PREP: variants seen among roughly 807,000 people sequenced by gnomAD.
PREP encodes prolyl endopeptidase.
Under a neutral mutation model 87.6 loss-of-function variants are expected in PREP, and 29 were observed. That is an observed-to-expected ratio of 0.33 (90% CI 0.25 to 0.45). The LOEUF is 0.45. Among genes scored for constraint, PREP ranks in the 20% least tolerant of loss-of-function variants. The pLI is 1.00. For missense variants in PREP, 695 were observed against 886.5 expected (o/e 0.78, Z 2.74); for synonymous variants, 337 against 328.6 (o/e 1.03, Z -0.28).
chr6:105,387,625 AAAAGAAAAAAAGAAAAAGAAAAAG>A (rs1416090105), intron 2 of PREP, among the ~76,000 whole-genome samples: 2 of 148,240 alleles, frequency 1.3e-5, no homozygotes, highest in South Asian at 2.1e-4. Flanking sequence ...AAAAAAGAAA[AAAAGAAAAAAAGAAAAAGAAAAAG>A]AAAGAAAAAG....
At chr6:105,316,805 G>T (rs1188493345) in intron 10 of PREP, among the ~76,000 whole-genome samples, 2 of 151,892 alleles carry the variant, frequency 1.3e-5, no homozygotes, top group Non-Finnish European at 2.9e-5. Context: ...ATAAATTTGT[G>T]GTCCCTCATT....
chr6:105,302,706 C>G (rs890027223), intron 10 of PREP: 5 of 506,288 alleles, frequency 9.9e-6, no homozygotes, highest in Non-Finnish European at 1.9e-5. Context: ...GCTTGGAGAC[C>G]GCGCCGCCTG....
intron 6 of PREP, among the ~76,000 whole-genome samples, chr6:105,356,860 A>G (rs532219670): frequency 2.4e-4 from 37 of 152,360 alleles, no homozygotes; most frequent in African/African-American, 8.7e-4. Flanking sequence ...AGTCTCTTGC[A>G]AATGAACACA....
intron 2 of PREP, among the ~76,000 whole-genome samples, chr6:105,394,606 G>A (rs1297293465): frequency 6.6e-6 from 1 of 152,212 alleles, no homozygotes; most frequent in Non-Finnish European, 1.5e-5. Context: ...GGTGAGTTCA[G>A]TAAGGGAACT....
Position 105,331,768 on chromosome 6 carries a change from C to T in PREP, c.1015+1546G>A, listed in dbSNP as rs902203409. ...AAAATCTGTTCTGTGACTCGTGGGT[C>T]CCTCGTCCAAATATAAATAAGGGTC... On this transcript the variant is annotated intron_variant, in intron 8 of 14. Coordinates refer to ENST00000652536, the MANE Select transcript of PREP (RefSeq NM_002726.5). Among the ~76,000 whole-genome samples, 3 of 152,128 alleles carry T rather than the reference C, an allele frequency of 2.0e-5. No individual in the cohort carries two copies. In the East Asian group the frequency reaches 5.8e-4, roughly 29 times the overall value.
intron 2 of PREP, among the ~76,000 whole-genome samples, chr6:105,387,612 AAAAAAAAAGAAAAAAAG>A (rs1773033200): frequency 7.6e-6 from 1 of 132,306 alleles, no homozygotes; most frequent in African/African-American, 3.2e-5. Context: ...TGAGCTAAAA[AAAAAAAAAGAAAAAAAG>A]AAAAAAAGAA....
At chr6:105,386,950 T>C (rs1773011569) in intron 2 of PREP, among the ~76,000 whole-genome samples, 2 of 152,300 alleles carry the variant, frequency 1.3e-5, no homozygotes, top group Non-Finnish European at 1.5e-5. Context: ...CGGTGTTTCA[T>C]GCCTGTAATC....
At chr6:105,335,903 T>A (rs1174111737) in intron 7 of PREP, among the ~76,000 whole-genome samples, 3 of 150,766 alleles carry the variant, frequency 2.0e-5, no homozygotes, top group African/African-American at 2.4e-5. Context: ...TCAAAAAAAA[T>A]AAAATAAAAA....
chr6:105,352,961 AAAT>A lies in PREP; in HGVS notation c.823+8_823+10del, dbSNP rs765547063. The stretch of plus-strand genomic sequence containing the variant: ...TTGGAATAACTATCTGTGTCTGAAA[AAAT>A]AACTCACCCGCGATGCCACTGGATT... On this transcript the variant is annotated splice_region_variant and intron_variant, in intron 7 of 14. Transcript: ENST00000652536. 4 of 1,602,908 alleles carry A rather than the reference AAAT, an allele frequency of 2.5e-6. No individual in the cohort carries two copies. The Admixed American group carries it at 6.7e-5, about 27-fold the overall frequency.
intron 4 of PREP, 50 bp from the exon 5 acceptor site, chr6:105,373,628 C>T (rs917948034): frequency 2.0e-6 from 3 of 1,533,556 alleles, no homozygotes; most frequent in African/African-American, 2.7e-5. Context: ...AACACAACTC[C>T]ACGGTCCTTT....
chr6:105,285,723 TGATTA>T (rs1383649075), intron 11 of PREP, 143 bp from the exon 12 acceptor site: 15 of 639,396 alleles, frequency 2.3e-5, no homozygotes, highest in Non-Finnish European at 3.0e-5. Flanking sequence ...TTTTATTGCT[TGATTA>T]AAGTGAAAAA....
At chr6:105,282,347 T>A in intron 13 of PREP, 104 bp downstream of exon 13, 12 of 1,391,034 alleles carry the variant, frequency 8.6e-6, no homozygotes, top group Non-Finnish European at 1.1e-5. Flanking sequence ...TACCACTTTG[T>A]GGTCCTATCC....
intron 2 of PREP, among the ~76,000 whole-genome samples, chr6:105,383,753 C>T (rs910201926): frequency 2.6e-5 from 4 of 152,068 alleles, no homozygotes; most frequent in African/African-American, 4.8e-5. Context: ...ACCGTCACTC[C>T]GACCTGATAT....
chr6:105,364,384 T>A (rs1772329964), intron 6 of PREP, among the ~76,000 whole-genome samples: 1 of 152,154 alleles, frequency 6.6e-6, no homozygotes, highest in Non-Finnish European at 1.5e-5. Context: ...GACAGACCTG[T>A]CCATGCAGGA....
chr6:105,327,485 A>G (rs1160579070), intron 9 of PREP, among the ~76,000 whole-genome samples: 3 of 152,168 alleles, frequency 2.0e-5, no homozygotes, highest in Admixed American at 1.3e-4. Context: ...TATCAGACCT[A>G]TTTACAGAAC....
intron 5 of PREP, among the ~76,000 whole-genome samples, chr6:105,369,919 T>C (rs1772490135): frequency 6.6e-6 from 1 of 152,180 alleles, no homozygotes; most frequent in African/African-American, 2.4e-5. Flanking sequence ...TATGGAAAGA[T>C]GCTCCACATT....
chr6:105,399,241 A>C (rs1773361834), intron 1 of PREP, among the ~76,000 whole-genome samples: 1 of 152,224 alleles, frequency 6.6e-6, no homozygotes, highest in Non-Finnish European at 1.5e-5. Flanking sequence ...TCTATCTCAG[A>C]TGAATTTTTT....
chr6:105,302,649 G>T, intron 10 of PREP: 2 of 470,826 alleles, frequency 4.2e-6, no homozygotes, highest in East Asian at 5.4e-5. Context: ...GGTTAATTAC[G>T]GTGAGAACAC....
In PREP at chr6:105,349,898, T is replaced by TAAAAAAAA. The variant is rs1162063177; in HGVS notation, c.823+3066_823+3073dup. On this transcript the variant is annotated intron_variant, in intron 7 of 14. Coordinates refer to ENST00000652536, the MANE Select transcript of PREP (RefSeq NM_002726.5). Reference sequence around the variant, plus strand: ...AGGATAACAAAATTGGGGAAGCAGGTAAAAAAAAAAAAAAAAAAAAAAAAG... The same window carrying TAAAAAAAA: ...AGGATAACAAAATTGGGGAAGCAGGTAAAAAAAAAAAAAAAAAAAAAAAAAAAAAAAAG... Among the ~76,000 whole-genome samples, 506 of 58,968 alleles carry TAAAAAAAA rather than the reference T, an allele frequency of 8.6e-3. 1 individual carries two copies. Among genetic ancestry groups the TAAAAAAAA allele is most frequent in the Middle Eastern group, 0.014 (1 of 74 alleles). The allele number at this position is 58,968 out of a possible 152,430, so 38.7% of individuals were successfully genotyped here.
Sources: allele counts gnomAD v4.1 joint callset (sites outside exome capture counted in the v4.1 genomes callset), GRCh38; gene constraint gnomAD v4.1.1; transcripts MANE v1.5; gene names NCBI Gene and HGNC (gene_info 2026-07-23, HGNC 2026-07-21).